The following AKAP19 variants were observed in gnomAD, a reference collection of about 807,000 sequenced individuals.
AKAP19 encodes the protein small A-kinase anchoring protein.
At chr2:189,890,661 A>G in the AKAP19 span, among the ~76,000 whole-genome samples, 2 of 152,122 alleles carry the variant, frequency 1.3e-5, no homozygotes, top group South Asian at 2.1e-4. Context: ...TCCCTTTACC[A>G]TTATATAATG....
the AKAP19 span, among the ~76,000 whole-genome samples, chr2:190,049,259 T>G: frequency 6.6e-6 from 1 of 152,126 alleles, no homozygotes; most frequent in South Asian, 2.1e-4. Context: ...AAGCAATTAC[T>G]AGAAAAGGAA....
chr2:190,100,640 G>T, the AKAP19 span, among the ~76,000 whole-genome samples: 1 of 152,112 alleles, frequency 6.6e-6, no homozygotes, highest in African/African-American at 2.4e-5. Flanking sequence ...TATGCACAGG[G>T]GTGAAGGAAG....
At chr2:190,196,522 C>CTT in the AKAP19 span, among the ~76,000 whole-genome samples, 46 of 135,866 alleles carry the variant, frequency 3.4e-4, no homozygotes, top group South Asian at 9.4e-4. Flanking sequence ...AATGCTGGGT[C>CTT]TTTTTTTTTT....
the AKAP19 span, among the ~76,000 whole-genome samples, chr2:190,037,795 A>T: frequency 2.0e-5 from 3 of 152,188 alleles, no homozygotes. Context: ...TTGAAGAGAT[A>T]TGTCTTTCTT....
chr2:190,126,220 G>A, the AKAP19 span, among the ~76,000 whole-genome samples: 1 of 139,746 alleles, frequency 7.2e-6, no homozygotes, highest in Non-Finnish European at 1.5e-5. Context: ...GAATCCTGGA[G>A]GTGGAGGTTG....
chr2:189,883,155 T>G, the AKAP19 span, among the ~76,000 whole-genome samples: 671 of 152,284 alleles, frequency 4.4e-3, 3 homozygotes, highest in African/African-American at 0.015. Context: ...TTAGACACTG[T>G]GCCCACAGTT....
the AKAP19 span, among the ~76,000 whole-genome samples, chr2:190,016,967 G>A: frequency 6.6e-6 from 1 of 152,066 alleles, no homozygotes; most frequent in Non-Finnish European, 1.5e-5. Context: ...GTACTCTGAT[G>A]TTGAGTACAT....
At chr2:189,968,124 T>TA in the AKAP19 span, among the ~76,000 whole-genome samples, 2 of 151,936 alleles carry the variant, frequency 1.3e-5, no homozygotes, top group Non-Finnish European at 1.5e-5. Flanking sequence ...CAAAGGTAGA[T>TA]AAAAAAGGAA....
At chr2:189,943,704 C>T in the AKAP19 span, among the ~76,000 whole-genome samples, 1,798 of 152,346 alleles carry the variant, frequency 0.012, 15 homozygotes, top group Middle Eastern at 0.027. Context: ...GGGGGCTGAA[C>T]CCTGCAAAGC....
chr2:189,909,147 G>C, the AKAP19 span, among the ~76,000 whole-genome samples: 5 of 151,688 alleles, frequency 3.3e-5, no homozygotes, highest in Non-Finnish European at 5.9e-5. Context: ...TTAATTTCAA[G>C]TCTATTTTGT....
chr2:189,981,242 C>A, the AKAP19 span, among the ~76,000 whole-genome samples: 6 of 149,422 alleles, frequency 4.0e-5, no homozygotes, highest in Non-Finnish European at 5.9e-5. Context: ...TTCAATTGAA[C>A]CCTTTAATGT....
chr2:189,884,591 G>C, the AKAP19 span, among the ~76,000 whole-genome samples: 1 of 152,102 alleles, frequency 6.6e-6, no homozygotes, highest in Non-Finnish European at 1.5e-5. Context: ...CTTTATTGAA[G>C]CAATTCAGTT....
the AKAP19 span, among the ~76,000 whole-genome samples, chr2:190,046,494 TA>T: frequency 6.6e-6 from 1 of 152,200 alleles, no homozygotes; most frequent in Non-Finnish European, 1.5e-5. Context: ...TCATTTATAC[TA>T]GTATATAGAA....
the AKAP19 span, among the ~76,000 whole-genome samples, chr2:190,035,035 A>G: frequency 1.3e-5 from 2 of 152,018 alleles, no homozygotes; most frequent in African/African-American, 4.8e-5. Context: ...CCCTGCCCCC[A>G]GATTATTTTT....
the AKAP19 span, among the ~76,000 whole-genome samples, chr2:190,144,041 G>A: frequency 2.9e-5 from 3 of 105,168 alleles, no homozygotes; most frequent in African/African-American, 1.0e-4. Flanking sequence ...GGAGGGGGGA[G>A]GGATAGTATT....
At chr2:190,010,071 A>G in the AKAP19 span, among the ~76,000 whole-genome samples, 10 of 152,336 alleles carry the variant, frequency 6.6e-5, no homozygotes, top group Admixed American at 2.0e-4. Flanking sequence ...CACCATGCTC[A>G]TGTGTTGACA....
chr2:189,936,305 T>C, the AKAP19 span, among the ~76,000 whole-genome samples: 1 of 151,868 alleles, frequency 6.6e-6, no homozygotes, highest in African/African-American at 2.4e-5. Flanking sequence ...TCACACACTT[T>C]CACATATGCA....
the AKAP19 span, among the ~76,000 whole-genome samples, chr2:190,081,941 T>G: frequency 2.0e-5 from 3 of 152,130 alleles, no homozygotes; most frequent in South Asian, 6.2e-4. Flanking sequence ...GGGATGGGCT[T>G]TCTCCCCTAG....
chr2:190,097,380 A>G, the AKAP19 span, among the ~76,000 whole-genome samples: 3 of 152,142 alleles, frequency 2.0e-5, no homozygotes, highest in African/African-American at 7.2e-5. Context: ...CTAGATATTG[A>G]TGGCAGCTGA....
Sources: gnomAD v4.1 joint callset for allele counts (sites outside exome capture counted in the v4.1 genomes callset) on GRCh38, gnomAD v4.1.1 for gene constraint, MANE v1.5 for transcripts, NCBI Gene and HGNC (gene_info 2026-07-23, HGNC 2026-07-21) for gene names.